CCDC7: variants seen among roughly 807,000 people sequenced by gnomAD.
The protein encoded by CCDC7 is coiled-coil domain-containing protein 7.
A neutral mutation model predicts 196.9 loss-of-function variants in CCDC7; 183 were observed. The observed-to-expected ratio is 0.93, with a 90% CI of 0.82 to 1.05. The LOEUF is 1.05. Ranked by LOEUF, CCDC7 falls within the 50% of genes least tolerant of loss-of-function variation. The probability of loss-of-function intolerance (pLI) is 0.00; values close to 1 mark genes in which losing one functional copy is unlikely to be tolerated. For synonymous variants in CCDC7, 525 were observed against 484.6 expected (o/e 1.08, Z -1.10); for missense variants, 1,540 against 1,482.2 (o/e 1.04, Z -0.64).
intron 11 of CCDC7, among the ~76,000 whole-genome samples, chr10:32,537,537 C>T (rs1353091123): frequency 6.6e-6 from 1 of 152,150 alleles, no homozygotes; most frequent in Non-Finnish European, 1.5e-5. Flanking sequence ...GTCGAAATGG[C>T]TTTTGGCATC....
At chr10:32,501,968 C>G (rs1407257966) in intron 9 of CCDC7, among the ~76,000 whole-genome samples, 1 of 152,182 alleles carries the variant, frequency 6.6e-6, no homozygotes, top group Non-Finnish European at 1.5e-5. Context: ...GGTGCTCTGT[C>G]CCAGGGAGCT....
chr10:32,821,978 C>G lies in CCDC7; in HGVS notation c.3182-2540C>G, dbSNP rs1365778508. Among the ~76,000 whole-genome samples the G allele has an allele frequency of 2.1e-5, 3 of 144,816 alleles. No homozygotes were observed. The Admixed American group carries it at 2.2e-4, about 11-fold the overall frequency. On this transcript the variant is annotated intron_variant, in intron 31 of 41. Coordinates refer to ENST00000639629, the Ensembl canonical transcript of CCDC7. ...AGTATAACAAAAAAAGAAAAACAAACAAAACAATAAATAAAAGTGCTGAAA... is the reference window on the plus strand; with the variant it reads ...AGTATAACAAAAAAAGAAAAACAAAGAAAACAATAAATAAAAGTGCTGAAA...
At chr10:32,522,698 T>C (rs1303908026) in intron 11 of CCDC7, among the ~76,000 whole-genome samples, 1 of 152,152 alleles carries the variant, frequency 6.6e-6, no homozygotes, top group East Asian at 1.9e-4. Context: ...TTTCTTCTAC[T>C]AATTTTGGGT....
intron 28 of CCDC7, among the ~76,000 whole-genome samples, chr10:32,739,300 G>T (rs889705866): frequency 7.2e-5 from 11 of 151,970 alleles, no homozygotes; most frequent in African/African-American, 2.4e-4. Context: ...TTTTCCCAAA[G>T]ATCTCGGTAT....
At chr10:32,583,806 T>G (rs2058969447) in intron 17 of CCDC7, among the ~76,000 whole-genome samples, 1 of 152,066 alleles carries the variant, frequency 6.6e-6, no homozygotes, top group Non-Finnish European at 1.5e-5. Flanking sequence ...GCTGTACATA[T>G]TTGACATGTA....
intron 11 of CCDC7, among the ~76,000 whole-genome samples, chr10:32,532,382 T>C (rs554956915): frequency 6.6e-6 from 1 of 152,326 alleles, no homozygotes; most frequent in South Asian, 2.1e-4. Context: ...TTTTATTCTA[T>C]TTAAGTTACA....
At chr10:32,655,031 A>C (rs2069524086) in intron 20 of CCDC7, among the ~76,000 whole-genome samples, 1 of 152,200 alleles carries the variant, frequency 6.6e-6, no homozygotes, top group Non-Finnish European at 1.5e-5. Context: ...GAAAGCTCTA[A>C]GTCAGGTCAA....
chr10:32,536,365 G>A (rs2050500101), intron 11 of CCDC7, among the ~76,000 whole-genome samples: 1 of 152,128 alleles, frequency 6.6e-6, no homozygotes, highest in African/African-American at 2.4e-5. Context: ...TGCCTCTCCT[G>A]TGCATCATTT....
intron 18 of CCDC7, among the ~76,000 whole-genome samples, chr10:32,624,685 T>C (rs1217270135): frequency 6.6e-6 from 1 of 152,102 alleles, no homozygotes; most frequent in Non-Finnish European, 1.5e-5. Context: ...AGTCCTCCAT[T>C]GCATCTTCCC....
chr10:32,572,032 T>C (rs1286931426), intron 16 of CCDC7, 139 bp downstream of exon 17: 32 of 744,034 alleles, frequency 4.3e-5, no homozygotes, highest in Non-Finnish European at 5.7e-5. Flanking sequence ...TGTTAGAAAC[T>C]TTAGATATCA....
chr10:32,622,960 A>T (rs933803783), intron 18 of CCDC7, among the ~76,000 whole-genome samples: 13 of 152,224 alleles, frequency 8.5e-5, no homozygotes, highest in Non-Finnish European at 1.5e-5. Flanking sequence ...AATTCACTAC[A>T]TTAACAGAAA....
chr10:32,585,620 T>C (rs962891189), intron 18 of CCDC7, among the ~76,000 whole-genome samples: 1 of 152,082 alleles, frequency 6.6e-6, no homozygotes, highest in South Asian at 2.1e-4. Context: ...TGAGAACATG[T>C]GGTGTTTGGT....
intron 20 of CCDC7, among the ~76,000 whole-genome samples, chr10:32,654,440 A>C (rs2069376090): frequency 6.6e-6 from 1 of 152,226 alleles, no homozygotes; most frequent in Non-Finnish European, 1.5e-5. Context: ...TCTGAAAATT[A>C]GATTACTCTT....
intron 31 of CCDC7, among the ~76,000 whole-genome samples, chr10:32,818,265 ATCAAT>A (rs970053029): frequency 6.8e-4 from 104 of 152,374 alleles, no homozygotes; most frequent in African/African-American, 2.2e-3. Flanking sequence ...TGGTAAAGAG[ATCAAT>A]TCAACAAGAA....
intron 18 of CCDC7, among the ~76,000 whole-genome samples, chr10:32,597,908 C>T (rs956084301): frequency 6.6e-6 from 1 of 152,138 alleles, no homozygotes; most frequent in South Asian, 2.1e-4. Flanking sequence ...GTGTCAGTCG[C>T]CCCCCTACTG....
At chr10:32,794,342 A>C (rs1320382917) in intron 29 of CCDC7, among the ~76,000 whole-genome samples, 4 of 152,192 alleles carry the variant, frequency 2.6e-5, no homozygotes, top group Admixed American at 2.6e-4. Context: ...ATCATGGTTG[A>C]TTCCATGTCT....
At chr10:32,645,030 G>C (rs2067505299) in intron 20 of CCDC7, among the ~76,000 whole-genome samples, 2 of 152,050 alleles carry the variant, frequency 1.3e-5, no homozygotes, top group Non-Finnish European at 2.9e-5. Flanking sequence ...TTTTAAAAAT[G>C]GGCTAAAGAT....
intron 28 of CCDC7, among the ~76,000 whole-genome samples, chr10:32,751,865 C>T (rs770086363): frequency 6.6e-6 from 1 of 152,084 alleles, no homozygotes; most frequent in African/African-American, 2.4e-5. Flanking sequence ...AGATATTCTT[C>T]AAGTTTATGA....
intron 9 of CCDC7, chr10:32,513,410 A>C (rs541639104): frequency 6.6e-6 from 1 of 152,112 alleles, no homozygotes; most frequent in Non-Finnish European, 1.5e-5. Flanking sequence ...AATCCTGTCA[A>C]ATATTTAAAG....
Sources: allele counts gnomAD v4.1 joint callset (sites outside exome capture counted in the v4.1 genomes callset), GRCh38; gene constraint gnomAD v4.1.1; transcripts MANE v1.5; gene names NCBI Gene and HGNC (gene_info 2026-07-23, HGNC 2026-07-21).